VPS13D: variants seen among roughly 807,000 people sequenced by gnomAD.
The protein encoded by VPS13D is intermembrane lipid transfer protein VPS13D.
In VPS13D, 187 loss-of-function variants were observed where a neutral mutation model predicts 461.9. That is an observed-to-expected ratio of 0.40 (90% CI 0.36 to 0.46). The LOEUF is 0.46. Among genes scored for constraint, VPS13D ranks in the 20% least tolerant of loss-of-function variants. VPS13D has a pLI of 0.60. For synonymous variants in VPS13D, 1,951 were observed against 1,986.3 expected, an observed-to-expected ratio of 0.98 and a Z score of 0.47; for missense variants, 4,711 against 5,364.9, an observed-to-expected ratio of 0.88 and a Z score of 3.81.
chr1:12,271,854 C>T (rs990154006), intron 17 of VPS13D, among the ~76,000 whole-genome samples: 2 of 152,114 alleles, frequency 1.3e-5, no homozygotes, highest in Non-Finnish European at 2.9e-5. Context: ...GGCCAGCTGC[C>T]ATGAGGATGC....
At chr1:12,268,416 C>G (rs1025175749) in intron 15 of VPS13D, among the ~76,000 whole-genome samples, 2 of 151,968 alleles carry the variant, frequency 1.3e-5, no homozygotes, top group Non-Finnish European at 2.9e-5. Context: ...CAGCCTGGTC[C>G]TCTCTCAGTG....
intron 66 of VPS13D, among the ~76,000 whole-genome samples, chr1:12,456,606 C>T (rs983349079): frequency 7.2e-6 from 1 of 139,742 alleles, no homozygotes; most frequent in Non-Finnish European, 1.5e-5. Context: ...CCACTGCACT[C>T]CAGCCTGGCA....
intron 67 of VPS13D, among the ~76,000 whole-genome samples, chr1:12,482,581 A>T (rs573559970): frequency 9.9e-5 from 15 of 152,254 alleles, no homozygotes; most frequent in African/African-American, 3.6e-4. Flanking sequence ...TGCATGAATT[A>T]TCTCTTTAAT....
At chr1:12,268,343 G>A (rs1641337009) in intron 15 of VPS13D, among the ~76,000 whole-genome samples, 1 of 149,644 alleles carries the variant, frequency 6.7e-6, no homozygotes, top group Non-Finnish European at 1.5e-5. Context: ...AGTAGTAAAA[G>A]AGGGAATGTT....
intron 68 of VPS13D, chr1:12,499,584 G>C: frequency 1.0e-6 from 1 of 985,432 alleles, no homozygotes; most frequent in South Asian, 4.7e-5. Context: ...AATGAAATCA[G>C]TAAAATAGCT....
chr1:12,480,576 G>A (rs1234836369), intron 67 of VPS13D, among the ~76,000 whole-genome samples: 2 of 152,178 alleles, frequency 1.3e-5, no homozygotes, highest in Non-Finnish European at 2.9e-5. Context: ...TAATCCTGAA[G>A]TTCAGCAAAC....
intron 39 of VPS13D, 145 bp from the exon 40 acceptor site, chr1:12,338,086 T>C: frequency 1.5e-6 from 1 of 678,372 alleles, no homozygotes. Flanking sequence ...TAGTGCTTAG[T>C]AATCACTGAT....
At chr1:12,454,295 A>C (rs1360408521) in intron 65 of VPS13D, among the ~76,000 whole-genome samples, 1 of 152,224 alleles carries the variant, frequency 6.6e-6, no homozygotes, top group Non-Finnish European at 1.5e-5. Context: ...GGTAACTCTC[A>C]GATGGGGTCT....
At chr1:12,396,771 T>G (rs1243272588) in intron 60 of VPS13D, among the ~76,000 whole-genome samples, 1 of 152,220 alleles carries the variant, frequency 6.6e-6, no homozygotes, top group African/African-American at 2.4e-5. Context: ...GAATTCAGGC[T>G]AATCGTATCC....
intron 8 of VPS13D, 124 bp from the exon 9 acceptor site, chr1:12,256,863 G>C (rs1482345674): frequency 1.9e-6 from 2 of 1,034,980 alleles, no homozygotes; most frequent in East Asian, 2.5e-5. Flanking sequence ...TGGTCTTTCA[G>C]TTTGCACTGG....
intron 67 of VPS13D, chr1:12,497,087 A>C (rs1441215901): frequency 6.5e-6 from 1 of 154,780 alleles, no homozygotes; most frequent in African/African-American, 2.4e-5. Context: ...GGTGCGGCCC[A>C]GGGGGATCTA....
intron 67 of VPS13D, among the ~76,000 whole-genome samples, chr1:12,476,235 G>A (rs975959959): frequency 5.3e-5 from 8 of 152,198 alleles, no homozygotes; most frequent in African/African-American, 1.9e-4. Context: ...CATGTTCCTG[G>A]AATATTGTCA....
chr1:12,411,392 G>T (rs191606412), intron 63 of VPS13D, among the ~76,000 whole-genome samples: 2 of 151,996 alleles, frequency 1.3e-5, no homozygotes, highest in Non-Finnish European at 2.9e-5. Context: ...CAGCACTTTG[G>T]GAGGCCTAGG....
In VPS13D at chr1:12,247,024, C is replaced by A. The variant is rs184008344; in HGVS notation, c.448-2199C>A. Among the ~76,000 whole-genome samples, 316 of 152,186 alleles carry A rather than the reference C, an allele frequency of 2.1e-3. 3 individuals carry two copies. The highest frequency in any genetic ancestry group is 7.1e-4 in the Non-Finnish European group (48 of 68,012). On this transcript the variant is annotated intron_variant, in intron 5 of 69. Coordinates refer to ENST00000620676, the MANE Select transcript of VPS13D (RefSeq NM_015378.4). Reference sequence around the variant, plus strand: ...GTAGAATTGAGGAATTATGGGGTAACTCTGTTTACTTTTTGAGGAACTACC... The same window carrying A: ...GTAGAATTGAGGAATTATGGGGTAAATCTGTTTACTTTTTGAGGAACTACC...
chr1:12,261,066 A>G lies in VPS13D; in HGVS notation c.1331A>G (p.Tyr444Cys). The change falls in exon 12 of 70, where the codon TAC (tyrosine) becomes TGC (cysteine). Residue 444 changes from tyrosine (Y) to cysteine (C), a missense_variant. This residue lies in a region of VPS13D where 4,411 missense variants were observed against 4,937.8 expected (regional missense o/e 0.89). Coordinates refer to ENST00000620676, the MANE Select transcript of VPS13D (RefSeq NM_015378.4). ...QSWFPGWGGW[Y>C]GQQTPEGNVV... Reference sequence around the variant, plus strand: ...TGGTTTCCTGGATGGGGTGGCTGGTACGGGCAGCAGACCCCAGAAGGGAAT... The same window carrying G: ...TGGTTTCCTGGATGGGGTGGCTGGTGCGGGCAGCAGACCCCAGAAGGGAAT... The G allele has an allele frequency of 6.2e-7, 1 of 1,614,126 alleles. No homozygotes were observed. The highest frequency in any genetic ancestry group is 8.5e-7 in the Non-Finnish European group (1 of 1,180,012).
At chr1:12,491,861 C>T (rs904151341) in intron 67 of VPS13D, among the ~76,000 whole-genome samples, 11 of 152,176 alleles carry the variant, frequency 7.2e-5, no homozygotes, top group South Asian at 4.1e-4. Context: ...ATTTGTAAAC[C>T]GCAGCAGCTG....
chr1:12,361,395 A>ATTTTTT (rs796776170), intron 50 of VPS13D, among the ~76,000 whole-genome samples: 9 of 133,372 alleles, frequency 6.7e-5, no homozygotes, highest in African/African-American at 3.2e-4. Flanking sequence ...TTATTTATTT[A>ATTTTTT]TTTATTTATT....
chr1:12,339,415 T>C (rs757793713), intron 40 of VPS13D, among the ~76,000 whole-genome samples: 13 of 152,162 alleles, frequency 8.5e-5, no homozygotes, highest in Non-Finnish European at 1.8e-4. Flanking sequence ...CAACCTACAC[T>C]GTTTATAATG....
At chr1:12,433,931 T>TGAGAGAGAGAGAGAGAGA (rs374176072) in intron 65 of VPS13D, among the ~76,000 whole-genome samples, 123 of 126,478 alleles carry the variant, frequency 9.7e-4, no homozygotes, top group African/African-American at 3.5e-3. Flanking sequence ...AGAGAGAGAG[T>TGAGAGAGAGAGAGAGAGA]GAGAGAGAGA....
Sources: gnomAD v4.1 joint callset for allele counts (sites outside exome capture counted in the v4.1 genomes callset) on GRCh38, gnomAD v4.1.1 for gene constraint, gnomAD v4.1.1 regional missense constraint, MANE v1.5 for transcripts, NCBI Gene and HGNC (gene_info 2026-07-23, HGNC 2026-07-21) for gene names.